The following PSMA8 variants were observed in gnomAD, a reference collection of about 807,000 sequenced individuals.
PSMA8 encodes proteasome subunit alpha-type 8.
A neutral mutation model predicts 32.4 loss-of-function variants in PSMA8; 18 were observed. The ratio of observed to expected loss-of-function variants is 0.56; its 90% CI spans 0.38 to 0.82. PSMA8 has a LOEUF of 0.82. Ranked by LOEUF, PSMA8 falls within the 40% of genes least tolerant of loss-of-function variation. PSMA8 has a pLI of 0.00. For missense variants in PSMA8, 298 were observed against 300.7 expected, an observed-to-expected ratio of 0.99 and a Z score of 0.07; for synonymous variants, 104 against 98.1, an observed-to-expected ratio of 1.06 and a Z score of -0.36.
In PSMA8 at chr18:26,133,885, A is replaced by T; in HGVS notation, c.-81A>T. The T allele has an allele frequency of 1.6e-6, 2 of 1,231,116 alleles. No individual in the cohort carries two copies. Among genetic ancestry groups the T allele is most frequent in the Non-Finnish European group, 2.4e-6 (2 of 841,336 alleles). The allele number at this position is 1,231,116 out of a possible 1,614,324, so 76.3% of individuals were successfully genotyped here. On this transcript the variant is annotated 5_prime_UTR_variant, in exon 1 of 7. Coordinates refer to ENST00000415576, the MANE Select transcript of PSMA8 (RefSeq NM_001025096.2). ...TGTGGAAGCGCTTCCGGGCGGTAGCACGCTGTGTTGGCGGCGGCTCCCCGC... is the reference window on the plus strand; with the variant it reads ...TGTGGAAGCGCTTCCGGGCGGTAGCTCGCTGTGTTGGCGGCGGCTCCCCGC...
At chr18:26,190,358 G>T (rs1356522975) in intron 6 of PSMA8, among the ~76,000 whole-genome samples, 1 of 152,060 alleles carries the variant, frequency 6.6e-6, no homozygotes, top group East Asian at 1.9e-4. Context: ...CCATGATGTG[G>T]TTATTATGCA....
At chr18:26,161,829 C>T (rs985215427) in intron 4 of PSMA8, among the ~76,000 whole-genome samples, 8 of 152,252 alleles carry the variant, frequency 5.3e-5, no homozygotes, top group Middle Eastern at 3.4e-3. Context: ...AAACTTATAT[C>T]CTGGGTGAGT....
chr18:26,146,279 A>G (rs1344808702), intron 2 of PSMA8, among the ~76,000 whole-genome samples: 4 of 151,102 alleles, frequency 2.6e-5, no homozygotes, highest in Non-Finnish European at 5.9e-5. Context: ...CTGTAATTGC[A>G]CCTACTCAGG....
intron 1 of PSMA8, among the ~76,000 whole-genome samples, chr18:26,141,717 T>C (rs1260097411): frequency 1.4e-4 from 21 of 145,902 alleles, no homozygotes; most frequent in South Asian, 2.2e-4. Flanking sequence ...TTTTTTCTTT[T>C]TTTTTTTTTT....
intron 4 of PSMA8, chr18:26,171,397 G>T: frequency 1.8e-6 from 2 of 1,121,928 alleles, no homozygotes; most frequent in Admixed American, 1.9e-5. Flanking sequence ...CTAATATAAC[G>T]TGTAATGGGC....
chr18:26,162,671 C>G (rs1259955829), intron 4 of PSMA8, among the ~76,000 whole-genome samples: 1 of 152,086 alleles, frequency 6.6e-6, no homozygotes, highest in Non-Finnish European at 1.5e-5. Flanking sequence ...TGAGACCATC[C>G]TGGCTAACAC....
chr18:26,141,626 G>A (rs1382962226), intron 1 of PSMA8, among the ~76,000 whole-genome samples: 1 of 151,754 alleles, frequency 6.6e-6, no homozygotes, highest in African/African-American at 2.4e-5. Context: ...TTAAGAAAGG[G>A]TACTTGGATA....
chr18:26,171,173 C>CA, intron 4 of PSMA8: 1 of 1,559,348 alleles, frequency 6.4e-7, no homozygotes, highest in Non-Finnish European at 8.5e-7. Flanking sequence ...AGGTTGTGGT[C>CA]ATTCTCTGGA....
At chr18:26,144,113 T>C (rs1366901243) in intron 1 of PSMA8, among the ~76,000 whole-genome samples, 1 of 152,226 alleles carries the variant, frequency 6.6e-6, no homozygotes, top group Non-Finnish European at 1.5e-5. Flanking sequence ...GGTATTTGTT[T>C]AGAAGTTTGG....
intron 2 of PSMA8, among the ~76,000 whole-genome samples, chr18:26,148,710 G>A (rs968414147): frequency 1.3e-5 from 2 of 152,100 alleles, no homozygotes; most frequent in Admixed American, 1.3e-4. Flanking sequence ...CAAATTGGGA[G>A]GGAAGAAAAA....
At chr18:26,152,509 C>T (rs1390841602) in intron 3 of PSMA8, among the ~76,000 whole-genome samples, 2 of 151,906 alleles carry the variant, frequency 1.3e-5, no homozygotes, top group Admixed American at 6.6e-5. Context: ...ATTTTTTGTA[C>T]AGATGGGGTT....
chr18:26,159,706 A>AT (rs1321512761), intron 4 of PSMA8, among the ~76,000 whole-genome samples: 2 of 152,126 alleles, frequency 1.3e-5, no homozygotes, highest in East Asian at 3.9e-4. Context: ...AAATTATGGA[A>AT]TTTTTTAGTT....
chr18:26,186,771 C>T (rs1156924263), intron 6 of PSMA8, among the ~76,000 whole-genome samples: 2 of 152,150 alleles, frequency 1.3e-5, no homozygotes, highest in East Asian at 3.8e-4. Context: ...AATATAAAAA[C>T]TCTTCTGCTG....
At chr18:26,157,411 G>A (rs1014323532) in intron 3 of PSMA8, among the ~76,000 whole-genome samples, 7 of 150,606 alleles carry the variant, frequency 4.6e-5, no homozygotes, top group Non-Finnish European at 5.9e-5. Flanking sequence ...AAAAAAATTA[G>A]TCCTTAGCTT....
chr18:26,150,440 C>A (rs1348045099), intron 2 of PSMA8, among the ~76,000 whole-genome samples: 1 of 151,912 alleles, frequency 6.6e-6, no homozygotes, highest in Non-Finnish European at 1.5e-5. Flanking sequence ...TGGGCTCAAG[C>A]AATCCCCCCG....
intron 3 of PSMA8, among the ~76,000 whole-genome samples, chr18:26,154,698 C>T (rs1394495900): frequency 6.6e-6 from 1 of 152,168 alleles, no homozygotes; most frequent in African/African-American, 2.4e-5. Flanking sequence ...CTCACTGCAA[C>T]CTCCAACTCC....
chr18:26,170,468 C>A (rs2055211894), intron 4 of PSMA8, among the ~76,000 whole-genome samples: 1 of 130,698 alleles, frequency 7.7e-6, no homozygotes, highest in South Asian at 2.2e-4. Flanking sequence ...GCAAGAGTGC[C>A]ACATGTGATG....
chr18:26,150,291 T>A (rs1217191869), intron 2 of PSMA8, among the ~76,000 whole-genome samples: 5 of 152,218 alleles, frequency 3.3e-5, no homozygotes, highest in African/African-American at 1.2e-4. Flanking sequence ...ATTGTTTATT[T>A]TTAAGCAAAG....
In PSMA8 at chr18:26,171,291, G is replaced by A. The variant is rs1353752141; in HGVS notation, c.478-7539G>A. 8.6e-6 allele frequency: 13 copies of A among 1,516,976 alleles called. 5 individuals carry two copies. The African/African-American group carries it at 4.6e-4, about 54-fold the overall frequency. The allele number at this position is 1,516,976 out of a possible 1,614,324, so 94.0% of individuals were successfully genotyped here. On this transcript the variant is annotated intron_variant, in intron 4 of 6. Transcript: ENST00000415576. ...GCAGTTTAGCGAACCAACCATGACA[G>A]CAGCGGGAGGACCTCCGAGCCCGCT...
Sources: allele counts gnomAD v4.1 joint callset (sites outside exome capture counted in the v4.1 genomes callset), GRCh38; gene constraint gnomAD v4.1.1; transcripts MANE v1.5; gene names NCBI Gene and HGNC (gene_info 2026-07-23, HGNC 2026-07-21).